Variants in DISP1 observed in about 807,000 individuals in gnomAD.
DISP1 encodes protein dispatched homolog 1.
DISP1 carries 30 observed loss-of-function variants against 37.3 expected under a neutral mutation model. The observed-to-expected ratio is 0.80, with a 90% CI of 0.60 to 1.09. The LOEUF (loss-of-function observed/expected upper bound fraction) is 1.09, where lower values mean the gene tolerates loss of function less well. Among genes scored for constraint, DISP1 ranks in the 50% least tolerant of loss-of-function variants. The pLI, the probability that DISP1 is intolerant of heterozygous loss-of-function variation, is 0.00. For synonymous variants in DISP1, 634 were observed against 690.2 expected (o/e 0.92, Z 1.28); for missense variants, 1,598 against 1,879.5 (o/e 0.85, Z 2.77).
chr1:222,938,049 T>C (rs1393330861), intron 2 of DISP1, among the ~76,000 whole-genome samples: 6 of 152,052 alleles, frequency 3.9e-5, no homozygotes, highest in Admixed American at 2.0e-4. Context: ...AACTTTTAAA[T>C]TGTTTTTAGA....
At chr1:222,853,090 AAG>A (rs1435531296) in intron 1 of DISP1, among the ~76,000 whole-genome samples, 5 of 152,318 alleles carry the variant, frequency 3.3e-5, no homozygotes, top group African/African-American at 1.2e-4. Context: ...TCATAGAAAA[AAG>A]AGAGTCTTTC....
intron 1 of DISP1, among the ~76,000 whole-genome samples, chr1:222,817,710 T>C (rs1661600126): frequency 6.6e-6 from 1 of 152,172 alleles, no homozygotes. Context: ...TTTCCTCTGG[T>C]GAGTTAGACC....
intron 2 of DISP1, among the ~76,000 whole-genome samples, chr1:222,941,959 T>C (rs1395700567): frequency 1.3e-5 from 2 of 151,886 alleles, no homozygotes; most frequent in Admixed American, 6.6e-5. Flanking sequence ...TGTGTGTATG[T>C]TGCTCAGAGG....
chr1:222,832,338 AAGTC>A (rs759958759), intron 1 of DISP1, among the ~76,000 whole-genome samples: 11 of 152,186 alleles, frequency 7.2e-5, no homozygotes, highest in Non-Finnish European at 1.5e-4. Flanking sequence ...AGATAGGTCT[AAGTC>A]TGTCTGTGAT....
chr1:222,915,865 G>T (rs1463053283), intron 1 of DISP1, among the ~76,000 whole-genome samples: 1 of 152,122 alleles, frequency 6.6e-6, no homozygotes. Context: ...ATCAATAATT[G>T]TGTACGCTTA....
rs1236913038 is a variant in DISP1, at chr1:222,918,214, C to T, written c.-158-10216C>T. Among the ~76,000 whole-genome samples, 5 of 152,290 alleles carry T rather than the reference C, an allele frequency of 3.3e-5. No homozygotes were observed. The East Asian group carries it at 7.7e-4, about 24-fold the overall frequency. ...GGGTCTCCAGAGGCATATTGATTCC[C>T]TCTCCCCAGGAACACCTGGAAGCGC... is the stretch of plus-strand genomic sequence containing the variant. On this transcript the variant is annotated intron_variant, in intron 1 of 8. Coordinates refer to ENST00000675850, the MANE Select transcript of DISP1 (RefSeq NM_001377229.1).
chr1:222,863,781 T>G (rs1335490715), intron 1 of DISP1, among the ~76,000 whole-genome samples: 5 of 152,200 alleles, frequency 3.3e-5, no homozygotes, highest in Non-Finnish European at 5.9e-5. Context: ...GGTGCTTAAG[T>G]CATTCCAGAT....
intron 3 of DISP1, among the ~76,000 whole-genome samples, chr1:222,948,286 T>G (rs1266998087): frequency 1.3e-5 from 2 of 152,222 alleles, no homozygotes; most frequent in Non-Finnish European, 2.9e-5. Flanking sequence ...TGAAGCACTT[T>G]GACTCAGGCC....
At chr1:222,880,186 T>C (rs1354056677) in intron 1 of DISP1, among the ~76,000 whole-genome samples, 1 of 152,150 alleles carries the variant, frequency 6.6e-6, no homozygotes, top group Non-Finnish European at 1.5e-5. Flanking sequence ...GAGAAAGTGA[T>C]TGTTATGATA....
At chr1:222,939,257 A>T (rs1216651238) in intron 2 of DISP1, among the ~76,000 whole-genome samples, 1 of 152,116 alleles carries the variant, frequency 6.6e-6, no homozygotes, top group East Asian at 1.9e-4. Flanking sequence ...CAGCTGGCAT[A>T]TAAGAATCTA....
At chr1:222,920,904 G>A (rs1383218273) in intron 1 of DISP1, among the ~76,000 whole-genome samples, 3 of 151,888 alleles carry the variant, frequency 2.0e-5, no homozygotes, top group Non-Finnish European at 2.9e-5. Context: ...AAATGCATAC[G>A]GTTTTCTAGT....
intron 1 of DISP1, among the ~76,000 whole-genome samples, chr1:222,854,037 T>A (rs930793348): frequency 6.6e-6 from 1 of 152,176 alleles, no homozygotes; most frequent in African/African-American, 2.4e-5. Context: ...CAAGCTCTCA[T>A]CAAGATTTTT....
chr1:222,869,298 T>C (rs1207722538), intron 1 of DISP1, among the ~76,000 whole-genome samples: 1 of 152,188 alleles, frequency 6.6e-6, no homozygotes, highest in Non-Finnish European at 1.5e-5. Context: ...AGTCATAGAT[T>C]TCACATAGCA....
chr1:222,932,202 C>T (rs1673442756), intron 2 of DISP1, among the ~76,000 whole-genome samples: 1 of 151,896 alleles, frequency 6.6e-6, no homozygotes, highest in South Asian at 2.1e-4. Flanking sequence ...ATCAGTGGCT[C>T]TCAGCTCTGA....
In DISP1 at chr1:222,936,930, GTAATATATATT is replaced by G. The variant is rs1673934479; in HGVS notation, c.-17-5876_-17-5866del. 8.9e-5 allele frequency among the ~76,000 whole-genome samples: 5 copies of G among 56,136 alleles called. No homozygotes were observed. In the South Asian group the frequency reaches 2.0e-3, roughly 23 times the overall value. The allele number at this position is 56,136 out of a possible 152,430, so 36.8% of individuals were successfully genotyped here. A position where few individuals can be genotyped will look rare whatever the true frequency, so the allele number is the denominator to read the frequency against. On this transcript the variant is annotated intron_variant, in intron 2 of 8. Coordinates refer to ENST00000675850, the MANE Select transcript of DISP1 (RefSeq NM_001377229.1). ...TAATATATTATATATTATATAATAT[GTAATATATATT>G]ATATATTACATATTATATTATTTAT...
At chr1:222,888,438 GTACAAT>G (rs984584605) in intron 1 of DISP1, among the ~76,000 whole-genome samples, 9 of 152,184 alleles carry the variant, frequency 5.9e-5, no homozygotes, top group African/African-American at 2.2e-4. Flanking sequence ...TTTTTTTAAA[GTACAAT>G]TTTCTTTGGT....
In DISP1 at chr1:223,002,863, T is replaced by G; in HGVS notation, c.1466T>G (p.Phe489Cys). 1 of 1,613,978 alleles carries G rather than the reference T, an allele frequency of 6.2e-7. No homozygotes were observed. The highest frequency in any genetic ancestry group is 8.5e-7 in the Non-Finnish European group (1 of 1,180,034). ...DGVTTITGIE[F>C]GIKHSLFQDY... ...GTGACTACCATCACCGGGATTGAGT[T>G]TGGTATCAAACACAGTTTGTTTCAG... is the stretch of plus-strand genomic sequence containing the variant. Residue 489 changes from phenylalanine to cysteine, a missense_variant, in exon 9 of 9, where the codon TTT (phenylalanine) becomes TGT (cysteine). Physicochemically the swap from Phe to Cys is radical, Grantham distance 205. Coordinates refer to ENST00000675850, the MANE Select transcript of DISP1 (RefSeq NM_001377229.1).
In DISP1 at chr1:222,833,330, G is replaced by A. The variant is rs1340034378; in HGVS notation, c.-159+18252G>A. Among the ~76,000 whole-genome samples, 5 of 152,122 alleles carry A rather than the reference G, an allele frequency of 3.3e-5. No individual in the cohort carries two copies. The East Asian group carries it at 5.8e-4, about 18-fold the overall frequency. Reference sequence around the variant, plus strand: ...TGGGTATTATTAAGTAGGTTCTTCCGTACACCCTACTTTTTGTTCAAGGAC... The same window carrying A: ...TGGGTATTATTAAGTAGGTTCTTCCATACACCCTACTTTTTGTTCAAGGAC... On this transcript the variant is annotated intron_variant, in intron 1 of 8. Transcript: ENST00000675850.
At chr1:222,991,402 A>G in intron 5 of DISP1, 118 bp from the exon 6 acceptor site, 1 of 1,247,410 alleles carries the variant, frequency 8.0e-7, no homozygotes, top group Non-Finnish European at 1.2e-6. Context: ...TGTGAGGAAC[A>G]GCTATATTTT....
Sources: gnomAD v4.1 joint callset for allele counts (sites outside exome capture counted in the v4.1 genomes callset) on GRCh38, gnomAD v4.1.1 for gene constraint, MANE v1.5 for transcripts, NCBI Gene and HGNC (gene_info 2026-07-23, HGNC 2026-07-21) for gene names.